MAF: variants seen among roughly 807,000 people sequenced by gnomAD.
MAF encodes the protein transcription factor Maf.
In MAF, 10 loss-of-function variants were observed where a neutral mutation model predicts 22.0. That is an observed-to-expected ratio of 0.45 (90% CI 0.28 to 0.77). MAF has a LOEUF of 0.77. Among genes scored for constraint, MAF ranks in the 30% least tolerant of loss-of-function variants. The probability of loss-of-function intolerance (pLI) is 0.12; values close to 1 mark genes in which losing one functional copy is unlikely to be tolerated. For synonymous variants in MAF, 337 were observed against 255.8 expected (o/e 1.32, Z -3.03); for missense variants, 544 against 548.4 (o/e 0.99, Z 0.08).
the MAF span, among the ~76,000 whole-genome samples, chr16:79,391,404 A>G: frequency 4.5e-4 from 68 of 152,334 alleles, no homozygotes; most frequent in African/African-American, 1.6e-3. Flanking sequence ...GCAGAGCCAC[A>G]GATAGGAGGG....
the MAF span, among the ~76,000 whole-genome samples, chr16:79,263,135 G>A: frequency 6.6e-6 from 1 of 152,186 alleles, no homozygotes; most frequent in Admixed American, 6.5e-5. Flanking sequence ...GGACTAGGCA[G>A]TGAACTAGGC....
At chr16:79,212,680 T>C in the MAF span, 1 of 152,248 alleles carries the variant, frequency 6.6e-6, no homozygotes, top group African/African-American at 2.4e-5. Context: ...ACCTGAAGTT[T>C]GTATTGTTTC....
the MAF span, among the ~76,000 whole-genome samples, chr16:79,430,210 C>T: frequency 2.8e-4 from 43 of 152,174 alleles, no homozygotes; most frequent in Non-Finnish European, 2.6e-4. Context: ...GCTTTGTTTA[C>T]AATGCAATTA....
At chr16:79,597,144 C>T in intron 1 of MAF, 1 of 1,057,318 alleles carries the variant, frequency 9.5e-7, no homozygotes, top group Non-Finnish European at 1.1e-6. Context: ...CCCTTGCAAA[C>T]TCTACCCCCC....
At chr16:79,569,421 G>C in the MAF span, among the ~76,000 whole-genome samples, 1 of 152,166 alleles carries the variant, frequency 6.6e-6, no homozygotes, top group African/African-American at 2.4e-5. Flanking sequence ...ATGGGATGTG[G>C]TCTTTAACTC....
At chr16:79,395,701 A>C in the MAF span, among the ~76,000 whole-genome samples, 2 of 152,316 alleles carry the variant, frequency 1.3e-5, no homozygotes, top group African/African-American at 4.8e-5. Context: ...AAAAGCAACA[A>C]ACTCAGCCAA....
At chr16:79,371,058 A>G in the MAF span, among the ~76,000 whole-genome samples, 5 of 152,140 alleles carry the variant, frequency 3.3e-5, no homozygotes, top group Non-Finnish European at 2.9e-5. Flanking sequence ...TTCACTCAGC[A>G]TTGACTGAAG....
the MAF span, among the ~76,000 whole-genome samples, chr16:79,234,556 T>C: frequency 6.6e-6 from 1 of 152,072 alleles, no homozygotes; most frequent in Non-Finnish European, 1.5e-5. Context: ...TAGATTCATC[T>C]ATAAAAGCAA....
intron 1 of MAF, chr16:79,596,297 A>C: frequency 3.8e-6 from 4 of 1,059,692 alleles, no homozygotes; most frequent in Non-Finnish European, 4.6e-6. Context: ...TCTATATTAA[A>C]TATTGCTAAT....
chr16:79,253,770 C>T, the MAF span, among the ~76,000 whole-genome samples: 2 of 152,260 alleles, frequency 1.3e-5, no homozygotes, highest in African/African-American at 2.4e-5. Flanking sequence ...TTCCCGTCTG[C>T]GAGGCCTGGG....
chr16:79,368,238 C>T, the MAF span, among the ~76,000 whole-genome samples: 1 of 152,122 alleles, frequency 6.6e-6, no homozygotes, highest in Non-Finnish European at 1.5e-5. Context: ...AATATCCTTA[C>T]ATAAAAGCTC....
chr16:79,247,876 G>A, the MAF span, among the ~76,000 whole-genome samples: 1 of 152,088 alleles, frequency 6.6e-6, no homozygotes, highest in Non-Finnish European at 1.5e-5. Context: ...TTAGAAAATA[G>A]CCATTGCCTG....
At chr16:79,487,501 T>C in the MAF span, among the ~76,000 whole-genome samples, 1 of 152,170 alleles carries the variant, frequency 6.6e-6, no homozygotes, top group Non-Finnish European at 1.5e-5. Flanking sequence ...ACCTAAATGA[T>C]TGAAAGAAGG....
chr16:79,519,140 T>C, the MAF span, among the ~76,000 whole-genome samples: 1 of 152,166 alleles, frequency 6.6e-6, no homozygotes, highest in Non-Finnish European at 1.5e-5. Context: ...ACAACATCAC[T>C]GTGGCAGAGA....
the MAF span, among the ~76,000 whole-genome samples, chr16:79,510,871 G>C: frequency 7.1e-6 from 1 of 140,968 alleles, no homozygotes; most frequent in Non-Finnish European, 1.5e-5. Context: ...GTGCATTTGT[G>C]TGTCTATATG....
chr16:79,481,940 AATTTGTCAG>A, the MAF span, among the ~76,000 whole-genome samples: 2 of 152,084 alleles, frequency 1.3e-5, no homozygotes, highest in South Asian at 2.1e-4. Context: ...ACTTAGAGAA[AATTTGTCAG>A]ACACAAGACT....
the MAF span, among the ~76,000 whole-genome samples, chr16:79,406,429 G>A: frequency 1.3e-5 from 2 of 152,178 alleles, no homozygotes; most frequent in Non-Finnish European, 2.9e-5. Context: ...AGATCAAGGA[G>A]CTGGCAGATT....
the MAF span, among the ~76,000 whole-genome samples, chr16:79,460,515 A>G: frequency 1.3e-5 from 2 of 152,230 alleles, no homozygotes; most frequent in Non-Finnish European, 2.9e-5. Flanking sequence ...TTTAAGGAAT[A>G]TGTTTTTATA....
chr16:79,525,126 T>TC, the MAF span, among the ~76,000 whole-genome samples: 1 of 152,312 alleles, frequency 6.6e-6, no homozygotes, highest in South Asian at 2.1e-4. Context: ...GCTTTTTTTT[T>TC]CCCTGTGAGC....
Sources: allele counts gnomAD v4.1 joint callset (sites outside exome capture counted in the v4.1 genomes callset), GRCh38; gene constraint gnomAD v4.1.1; transcripts MANE v1.5; gene names NCBI Gene and HGNC (gene_info 2026-07-23, HGNC 2026-07-21).